The following TTYH2 variants were observed in gnomAD, a reference collection of about 807,000 sequenced individuals.
TTYH2 encodes the protein protein tweety homolog 2.
TTYH2 carries 49 observed loss-of-function variants against 68.3 expected under a neutral mutation model. That is an observed-to-expected ratio of 0.72 (90% confidence interval 0.57 to 0.91). TTYH2 has a LOEUF of 0.91. TTYH2 is among the 40% of genes least tolerant of loss of function. The probability of loss-of-function intolerance (pLI) is 0.00; values close to 1 mark genes in which losing one functional copy is unlikely to be tolerated. For missense variants in TTYH2, 631 were observed against 700.4 expected (o/e 0.90, Z 1.12); for synonymous variants, 272 against 300.8 (o/e 0.90, Z 0.99).
chr17:74,257,373 C>T (rs1353604641), intron 13 of TTYH2, among the ~76,000 whole-genome samples: 1 of 152,178 alleles, frequency 6.6e-6, no homozygotes, highest in Non-Finnish European at 1.5e-5. Flanking sequence ...CGGTAAGGGA[C>T]CTAGAGAGAC....
Position 74,214,948 on chromosome 17 carries a change from G to A in TTYH2, c.129+1232G>A, listed in dbSNP as rs1464124617. 6.6e-6 allele frequency among the ~76,000 whole-genome samples: 1 copy of A among 152,092 alleles called. No homozygotes were observed. Among genetic ancestry groups the A allele is most frequent in the Non-Finnish European group, 1.5e-5 (1 of 68,004 alleles). ...CGGCTGCCATCAGGCCCAGGCAGAT[G>A]GTGCCTGCCCTACCAGAGGGAGGGG... On this transcript the variant is annotated intron_variant, in intron 1 of 13. Coordinates refer to ENST00000269346, the MANE Select transcript of TTYH2 (RefSeq NM_032646.6). The surrounding 1 kb of genome is among the most constrained non-coding windows in gnomAD (Gnocchi z 4.6).
intron 5 of TTYH2, among the ~76,000 whole-genome samples, chr17:74,243,671 T>G (rs1454520095): frequency 6.6e-6 from 1 of 152,220 alleles, no homozygotes; most frequent in East Asian, 1.9e-4. Context: ...CGAGCAAGCA[T>G]TAGGCTTTCC....
chr17:74,230,750 A>T (rs1302022706), intron 2 of TTYH2, 138 bp from the exon 3 acceptor site: 3 of 749,688 alleles, frequency 4.0e-6, no homozygotes, highest in Admixed American at 5.5e-5. Context: ...AAGCAATTCT[A>T]TGCCTCAACT....
rs1470961485 is a variant in TTYH2 at position 74,261,934 on chromosome 17, G to C, written c.*1725G>C. 1 of 152,592 alleles carries C rather than the reference G, an allele frequency of 6.6e-6. No individual in the cohort carries two copies. Among genetic ancestry groups the C allele is most frequent in the African/African-American group, 2.4e-5 (1 of 41,430 alleles). The allele number at this position is 152,592 out of a possible 1,614,324, so 9.5% of individuals were successfully genotyped here. The stretch of plus-strand genomic sequence containing the variant: ...CATGGAAACTAAACAGATTCCTCGG[G>C]GAGTTCCTGAAGGAACCAGGTGGGC... On this transcript the variant is annotated 3_prime_UTR_variant, in exon 14 of 14. Transcript: ENST00000269346.
At chr17:74,229,422 T>C (rs2050364650) in intron 2 of TTYH2, among the ~76,000 whole-genome samples, 1 of 152,104 alleles carries the variant, frequency 6.6e-6, no homozygotes, top group African/African-American at 2.4e-5. Flanking sequence ...CCAAATAAAA[T>C]GTCCTGTAGA....
rs7223082 is a variant in TTYH2 at position 74,241,603 on chromosome 17, G to A, written c.636-1771G>A. Among the ~76,000 whole-genome samples the A allele has an allele frequency of 4.7e-4, 72 of 152,202 alleles. 3 individuals carry two copies. The highest frequency in any genetic ancestry group is 1.7e-3 in the African/African-American group (70 of 41,524). On this transcript the variant is annotated intron_variant, in intron 4 of 13. Coordinates refer to ENST00000269346, the MANE Select transcript of TTYH2 (RefSeq NM_032646.6). The surrounding 1 kb of genome is among the most constrained non-coding windows in gnomAD (Gnocchi z 4.1). ...CCCCTCTCTCCCTCGGAGCCTCTTTGCCACTTTCTGCCAGCTCCAGGGCAC... is the reference window on the plus strand; with the variant it reads ...CCCCTCTCTCCCTCGGAGCCTCTTTACCACTTTCTGCCAGCTCCAGGGCAC...
chr17:74,231,010 C>T lies in TTYH2; in HGVS notation c.414+11C>T, dbSNP rs772504940. On this transcript the variant is annotated intron_variant, in intron 3 of 13. Coordinates refer to ENST00000269346, the MANE Select transcript of TTYH2 (RefSeq NM_032646.6). ...GGGATCGATGCTCTGGTAAGGCTCC[C>T]GGGCAGCTGGCCGGGTACAGGCACA... 19 of 1,612,176 alleles carry T rather than the reference C, an allele frequency of 1.2e-5. No homozygotes were observed. The highest frequency in any genetic ancestry group is 2.7e-5 in the African/African-American group (2 of 74,896).
intron 3 of TTYH2, among the ~76,000 whole-genome samples, chr17:74,234,701 GAGT>G (rs1324461439): frequency 1.3e-5 from 2 of 148,914 alleles, no homozygotes; most frequent in African/African-American, 5.2e-5. Flanking sequence ...AACTGTGAGA[GAGT>G]AGAACTGTGA....
Position 74,215,554 on chromosome 17 carries a change from CG to C in TTYH2, c.129+1840del. On this transcript the variant is annotated intron_variant, in intron 1 of 13. Coordinates refer to ENST00000269346, the MANE Select transcript of TTYH2 (RefSeq NM_032646.6). This position sits in a 1 kb window ranked among gnomAD's most constrained non-coding sequence, Gnocchi z 4.3. The stretch of plus-strand genomic sequence containing the variant: ...GGTTCCAGAGGGTGTCCCTTCCCAT[CG>C]GCCACTGCTCCTGGGCAGCTGACAC... 7.3e-7 allele frequency: 1 copy of C among 1,375,058 alleles called. No homozygotes were observed. The highest frequency in any genetic ancestry group is 1.4e-5 in the African/African-American group (1 of 69,526). 85.2% of individuals were successfully genotyped at this position (1,375,058 alleles called of 1,614,324 possible).
intron 1 of TTYH2, among the ~76,000 whole-genome samples, chr17:74,218,300 G>C (rs1253537785): frequency 3.4e-5 from 5 of 149,118 alleles, no homozygotes; most frequent in Non-Finnish European, 7.4e-5. Context: ...CTCTCACCCT[G>C]TCCCACCCAC....
Position 74,249,927 on chromosome 17 carries a change from C to T in TTYH2, c.931-9C>T, listed in dbSNP as rs1272206423. ...GCCTCACTGTGGGGCTGTGTCTTTC[C>T]TGGCTCAGACCCTGACCACCTTCCA... On this transcript the variant is annotated splice_polypyrimidine_tract_variant and intron_variant, in intron 8 of 13. Coordinates refer to ENST00000269346, the MANE Select transcript of TTYH2 (RefSeq NM_032646.6). The T allele has an allele frequency of 6.2e-7, 1 of 1,613,718 alleles. No individual in the cohort carries two copies. Among genetic ancestry groups the T allele is most frequent in the East Asian group, 2.2e-5 (1 of 44,842 alleles).
chr17:74,237,997 G>A (rs1388022002), intron 4 of TTYH2, among the ~76,000 whole-genome samples: 2 of 152,188 alleles, frequency 1.3e-5, no homozygotes, highest in Non-Finnish European at 2.9e-5. Context: ...CAGGGGCCAC[G>A]TGGTGAGCAT....
intron 1 of TTYH2, among the ~76,000 whole-genome samples, chr17:74,221,936 G>T (rs1049410435): frequency 3.9e-5 from 6 of 152,232 alleles, no homozygotes; most frequent in African/African-American, 1.4e-4. Context: ...TCTGGTAGAG[G>T]ATGATGCCCA....
chr17:74,232,265 G>A lies in TTYH2; in HGVS notation c.414+1266G>A, dbSNP rs2050397353. ...CCTCAGTCAACAAGGGGGGTCGGGG[G>A]TGTCACCTTAAAGAGACAGCTGTGC... On this transcript the variant is annotated intron_variant, in intron 3 of 13. Coordinates refer to ENST00000269346, the MANE Select transcript of TTYH2 (RefSeq NM_032646.6). This position sits in a 1 kb window ranked among gnomAD's most constrained non-coding sequence, Gnocchi z 5.1. 6.6e-6 allele frequency among the ~76,000 whole-genome samples: 1 copy of A among 152,184 alleles called. No homozygotes were observed. Among genetic ancestry groups the A allele is most frequent in the African/African-American group, 2.4e-5 (1 of 41,448 alleles).
In TTYH2 at chr17:74,261,963, C is replaced by T. The variant is rs1015688460; in HGVS notation, c.*1754C>T. The T allele has an allele frequency of 4.6e-5, 7 of 152,568 alleles. No individual in the cohort carries two copies. The highest frequency in any genetic ancestry group is 4.4e-5 in the Non-Finnish European group (3 of 68,032). The allele number at this position is 152,568 out of a possible 1,614,324, so 9.5% of individuals were successfully genotyped here. Reference sequence around the variant, plus strand: ...TTCCTGAAGGAACCAGGTGGGCAAACCTTTGCTTATATACATGCGGCCTCA... The same window carrying T: ...TTCCTGAAGGAACCAGGTGGGCAAATCTTTGCTTATATACATGCGGCCTCA... On this transcript the variant is annotated 3_prime_UTR_variant, in exon 14 of 14. Coordinates refer to ENST00000269346, the MANE Select transcript of TTYH2 (RefSeq NM_032646.6).
chr17:74,238,062 G>T (rs55901370), intron 4 of TTYH2, among the ~76,000 whole-genome samples: 27,059 of 152,190 alleles, frequency 0.18, 2,555 homozygotes, highest in African/African-American at 0.24. Flanking sequence ...ACAGGGATGT[G>T]CTCACACTCC....
At chr17:74,248,802 G>A (rs2050588121) in intron 6 of TTYH2, 14 of 1,420,470 alleles carry the variant, frequency 9.9e-6, no homozygotes, top group Non-Finnish European at 1.3e-5. Flanking sequence ...GAGGCAACCG[G>A]GGCACAGGAA....
At chr17:74,246,346 G>A (rs1310462840) in intron 6 of TTYH2, among the ~76,000 whole-genome samples, 1 of 152,178 alleles carries the variant, frequency 6.6e-6, no homozygotes, top group Non-Finnish European at 1.5e-5. Context: ...GGTTTTCTGT[G>A]CCTCAGCTTC....
chr17:74,243,452 C>G lies in TTYH2; in HGVS notation c.714C>G (p.Ser238=), dbSNP rs199984070. The change falls in exon 5 of 14, where the codon TCC becomes TCG. Residue 238 remains serine (S), a synonymous_variant. Coordinates refer to ENST00000269346, the MANE Select transcript of TTYH2 (RefSeq NM_032646.6). ...CCTGCCTGGGACTGGCCAAGCGCTC[C>G]AAGTGTCTCCTGGCCTCGTGAGTAT... is the stretch of plus-strand genomic sequence containing the variant. ...LIACLGLAKR[S]KCLLASMLCC... is the part of the protein sequence containing the mutation. 70 of 1,614,166 alleles carry G rather than the reference C, an allele frequency of 4.3e-5. No homozygotes were observed. The Middle Eastern group carries it at 6.6e-4, about 15-fold the overall frequency.
Sources: allele counts gnomAD v4.1 joint callset (sites outside exome capture counted in the v4.1 genomes callset), GRCh38; gene constraint gnomAD v4.1.1; non-coding constraint Gnocchi (gnomAD v3.1); transcripts MANE v1.5; gene names NCBI Gene and HGNC (gene_info 2026-07-23, HGNC 2026-07-21).